NDUFAF2: variants seen among roughly 807,000 people sequenced by gnomAD.
NDUFAF2 encodes the protein NADH:ubiquinone oxidoreductase complex assembly factor 2.
In NDUFAF2, 13 loss-of-function variants were observed where a neutral mutation model predicts 22.8. The ratio of observed to expected loss-of-function variants is 0.57; its 90% CI spans 0.37 to 0.91. NDUFAF2 has a LOEUF of 0.91. Ranked by LOEUF, NDUFAF2 falls within the 40% of genes least tolerant of loss-of-function variation. The pLI is 0.01. For synonymous variants in NDUFAF2, 53 were observed against 64.2 expected (o/e 0.83, Z 0.84); for missense variants, 162 against 195.2 (o/e 0.83, Z 1.01).
chr5:61,152,578 T>G (rs1741260622), intron 3 of NDUFAF2, 126 bp from the exon 4 acceptor site: 1 of 638,894 alleles, frequency 1.6e-6, no homozygotes, highest in Admixed American at 3.8e-5. Flanking sequence ...TGTATATTAT[T>G]TAAATGCAAA....
intron 3 of NDUFAF2, among the ~76,000 whole-genome samples, chr5:61,124,911 TAAC>T (rs917859914): frequency 6.6e-6 from 1 of 152,032 alleles, no homozygotes; most frequent in Non-Finnish European, 1.5e-5. Flanking sequence ...TCAGGAAACT[TAAC>T]AATCATGACA....
chr5:61,061,334 G>C (rs982862021), intron 1 of NDUFAF2, among the ~76,000 whole-genome samples: 10 of 152,150 alleles, frequency 6.6e-5, no homozygotes, highest in African/African-American at 2.4e-4. Context: ...GTAAGCAAGA[G>C]CCCTTTTATC....
chr5:61,073,892 A>T (rs1752333401), intron 2 of NDUFAF2, among the ~76,000 whole-genome samples: 1 of 152,226 alleles, frequency 6.6e-6, no homozygotes, highest in Non-Finnish European at 1.5e-5. Flanking sequence ...GATTTTAGAA[A>T]AGCTAATATT....
chr5:61,068,039 A>C (rs1752252323), intron 1 of NDUFAF2, among the ~76,000 whole-genome samples: 1 of 152,130 alleles, frequency 6.6e-6, no homozygotes, highest in Non-Finnish European at 1.5e-5. Flanking sequence ...AAATACATAA[A>C]AGTGAGATTT....
chr5:60,947,993 CAAAA>C (rs1197410778), intron 1 of NDUFAF2, among the ~76,000 whole-genome samples: 1 of 151,476 alleles, frequency 6.6e-6, no homozygotes, highest in African/African-American at 2.4e-5. Context: ...GTATAATTGA[CAAAA>C]AAAATTGCCC....
At chr5:60,951,927 A>G (rs1161695860) in intron 1 of NDUFAF2, among the ~76,000 whole-genome samples, 1 of 151,460 alleles carries the variant, frequency 6.6e-6, no homozygotes, top group South Asian at 2.1e-4. Flanking sequence ...CAGGCTATCT[A>G]TTTTGTCTTA....
intron 3 of NDUFAF2, among the ~76,000 whole-genome samples, chr5:61,108,042 A>G (rs1483097987): frequency 6.6e-6 from 1 of 150,580 alleles, no homozygotes; most frequent in Non-Finnish European, 1.5e-5. Flanking sequence ...ATCATTTTTT[A>G]TGGCTGCATA....
intron 1 of NDUFAF2, among the ~76,000 whole-genome samples, chr5:61,008,405 A>T (rs1025484892): frequency 4.6e-5 from 7 of 152,186 alleles, no homozygotes; most frequent in Non-Finnish European, 7.4e-5. Context: ...GTATACAGAT[A>T]GCAAAGGCAT....
chr5:60,997,727 C>T (rs1437337210), intron 1 of NDUFAF2, among the ~76,000 whole-genome samples: 1 of 152,184 alleles, frequency 6.6e-6, no homozygotes, highest in African/African-American at 2.4e-5. Flanking sequence ...TTTTCAGGAT[C>T]TGCTTTTCCG....
At chr5:61,097,145 A>G (rs1272106680) in intron 2 of NDUFAF2, among the ~76,000 whole-genome samples, 2 of 152,092 alleles carry the variant, frequency 1.3e-5, no homozygotes, top group African/African-American at 4.8e-5. Flanking sequence ...TGCTGTTTCC[A>G]CCCCCACAAA....
chr5:61,087,827 A>G (rs1752521960), intron 2 of NDUFAF2, among the ~76,000 whole-genome samples: 1 of 152,176 alleles, frequency 6.6e-6, no homozygotes. Flanking sequence ...CATCAATAAA[A>G]AATAATGAAC....
At chr5:61,150,931 C>G (rs1160687936) in intron 3 of NDUFAF2, among the ~76,000 whole-genome samples, 1 of 152,170 alleles carries the variant, frequency 6.6e-6, no homozygotes, top group Non-Finnish European at 1.5e-5. Context: ...TTTCTCTACT[C>G]TCACCCTCAC....
intron 1 of NDUFAF2, among the ~76,000 whole-genome samples, chr5:61,028,062 A>T (rs1406831492): frequency 6.6e-6 from 1 of 152,048 alleles, no homozygotes; most frequent in African/African-American, 2.4e-5. Context: ...GATGTCAAGT[A>T]GAAATGTGCA....
chr5:61,040,251 GACACAC>G (rs55910021), intron 1 of NDUFAF2, among the ~76,000 whole-genome samples: 229 of 131,932 alleles, frequency 1.7e-3, no homozygotes, highest in African/African-American at 2.5e-3. Flanking sequence ...AAGAGGAAAG[GACACAC>G]ACACACACAC....
At chr5:61,152,630 T>G in intron 3 of NDUFAF2, 74 bp from the exon 4 acceptor site, 1 of 1,068,896 alleles carries the variant, frequency 9.4e-7, no homozygotes, top group Non-Finnish European at 1.3e-6. Context: ...GTATTTTATT[T>G]TTATTGGCTA....
chr5:60,979,135 G>C (rs1342814590), intron 1 of NDUFAF2, among the ~76,000 whole-genome samples: 1 of 152,150 alleles, frequency 6.6e-6, no homozygotes, highest in Non-Finnish European at 1.5e-5. Flanking sequence ...AAAGTGCCTT[G>C]GGCCCTGAAT....
At chr5:60,984,373 A>T (rs1332692288) in intron 1 of NDUFAF2, among the ~76,000 whole-genome samples, 1 of 152,004 alleles carries the variant, frequency 6.6e-6, no homozygotes, top group Non-Finnish European at 1.5e-5. Context: ...TCTTTTCCTA[A>T]TTGAATGCCC....
At chr5:60,978,216 C>T (rs879660605) in intron 1 of NDUFAF2, among the ~76,000 whole-genome samples, 7 of 152,286 alleles carry the variant, frequency 4.6e-5, no homozygotes, top group Admixed American at 1.3e-4. Flanking sequence ...AGAAGTGAAT[C>T]GTCTATCTCA....
intron 3 of NDUFAF2, among the ~76,000 whole-genome samples, chr5:61,111,920 GT>G (rs1378734885): frequency 6.6e-6 from 1 of 151,014 alleles, no homozygotes; most frequent in South Asian, 2.1e-4. Context: ...GCCCAGCCTA[GT>G]TTTTTTGTAT....
Sources: allele counts gnomAD v4.1 joint callset (sites outside exome capture counted in the v4.1 genomes callset), GRCh38; gene constraint gnomAD v4.1.1; transcripts MANE v1.5; gene names NCBI Gene and HGNC (gene_info 2026-07-23, HGNC 2026-07-21).